MECOM: variants seen among roughly 807,000 people sequenced by gnomAD.
The protein encoded by MECOM is histone-lysine N-methyltransferase MECOM.
In MECOM, 13 loss-of-function variants were observed where a neutral mutation model predicts 116.3. The ratio of observed to expected loss-of-function variants is 0.11; its 90% CI spans 0.07 to 0.18. The LOEUF (loss-of-function observed/expected upper bound fraction) is 0.18, where lower values mean the gene tolerates loss of function less well. Ranked by LOEUF, MECOM falls within the 10% of genes least tolerant of loss-of-function variation. MECOM has a pLI of 1.00. For missense variants in MECOM, 1,299 were observed against 1,509.0 expected, an observed-to-expected ratio of 0.86 and a Z score of 2.31; for synonymous variants, 528 against 535.2, an observed-to-expected ratio of 0.99 and a Z score of 0.19.
chr3:169,201,041 G>A (rs1187101830), intron 2 of MECOM, among the ~76,000 whole-genome samples: 1 of 152,084 alleles, frequency 6.6e-6, no homozygotes, highest in African/African-American at 2.4e-5. Context: ...TGTAGATAGT[G>A]AGGTCTTTAT....
At chr3:169,138,151 T>C (rs924540385) in intron 3 of MECOM, among the ~76,000 whole-genome samples, 1 of 152,154 alleles carries the variant, frequency 6.6e-6, no homozygotes, top group Non-Finnish European at 1.5e-5. Flanking sequence ...AGCATTCTTA[T>C]GACTTTTATA....
intron 1 of MECOM, among the ~76,000 whole-genome samples, chr3:169,642,446 C>CAAAAAAAAAAAAA (rs397950899): frequency 1.4e-5 from 1 of 69,472 alleles, no homozygotes; most frequent in Non-Finnish European, 2.9e-5. Flanking sequence ...GACTCCATCT[C>CAAAAAAAAAAAAA]AAAAAAAAAA....
chr3:169,131,605 T>C (rs1342081835), intron 3 of MECOM, 74 bp from the exon 4 acceptor site: 1 of 1,099,360 alleles, frequency 9.1e-7, no homozygotes, highest in East Asian at 2.6e-5. Flanking sequence ...GGGCAAGATA[T>C]ACACTAAGAT....
chr3:169,171,734 C>T (rs560741694), intron 2 of MECOM, among the ~76,000 whole-genome samples: 1 of 152,140 alleles, frequency 6.6e-6, no homozygotes, highest in Non-Finnish European at 1.5e-5. Flanking sequence ...TATTCCTCAA[C>T]TATTGTAAAA....
intron 2 of MECOM, among the ~76,000 whole-genome samples, chr3:169,373,953 G>A (rs1177743514): frequency 6.6e-6 from 1 of 151,912 alleles, no homozygotes; most frequent in African/African-American, 2.4e-5. Flanking sequence ...GTTATAGACT[G>A]AATGTGTGTG....
intron 1 of MECOM, among the ~76,000 whole-genome samples, chr3:169,553,599 C>A (rs896623230): frequency 1.3e-5 from 2 of 152,312 alleles, no homozygotes; most frequent in South Asian, 2.1e-4. Flanking sequence ...TAGCTTGCCA[C>A]AATTTCCATT....
At position 169,446,914 on chromosome 3, in the gene MECOM, G is replaced by T. The variant is rs1043651943; in HGVS notation, c.38-65390C>A. Among the ~76,000 whole-genome samples, 22 of 152,274 alleles carry T rather than the reference G, an allele frequency of 1.4e-4. No homozygotes were observed. The Middle Eastern group carries it at 0.01, about 71-fold the overall frequency. On this transcript the variant is annotated intron_variant, in intron 1 of 16. Transcript: ENST00000651503. ...CAAGCTTTAGGCACTCCCTGCACATGCCATTGTGGTTCACTAAGTGGAAAA... is the reference window on the plus strand; with the variant it reads ...CAAGCTTTAGGCACTCCCTGCACATTCCATTGTGGTTCACTAAGTGGAAAA...
chr3:169,444,420 C>T (rs1490936276), intron 1 of MECOM, among the ~76,000 whole-genome samples: 6 of 152,184 alleles, frequency 3.9e-5, no homozygotes, highest in South Asian at 2.1e-4. Context: ...TGGTCCTTCC[C>T]GTGTTATTCT....
At chr3:169,648,819 C>T (rs188113895) in intron 1 of MECOM, among the ~76,000 whole-genome samples, 26 of 152,168 alleles carry the variant, frequency 1.7e-4, no homozygotes, top group Admixed American at 3.3e-4. Context: ...AAAATTGAAC[C>T]TAGCAGAAAG....
intron 1 of MECOM, among the ~76,000 whole-genome samples, chr3:169,473,697 G>A (rs1026399477): frequency 6.6e-6 from 1 of 151,952 alleles, no homozygotes; most frequent in Admixed American, 6.6e-5. Context: ...TGAATCTGGG[G>A]GGCAGAGGTT....
intron 2 of MECOM, among the ~76,000 whole-genome samples, chr3:169,222,037 T>C (rs1298889753): frequency 6.6e-6 from 1 of 152,192 alleles, no homozygotes; most frequent in Non-Finnish European, 1.5e-5. Flanking sequence ...AAAATTATCA[T>C]TTCCGTAGAT....
intron 2 of MECOM, among the ~76,000 whole-genome samples, chr3:169,226,992 C>A (rs1038760126): frequency 1.3e-5 from 2 of 152,136 alleles, no homozygotes; most frequent in African/African-American, 4.8e-5. Flanking sequence ...CTTCACCCAT[C>A]TTTAGTTTTT....
intron 1 of MECOM, among the ~76,000 whole-genome samples, chr3:169,561,691 A>T (rs1762651923): frequency 6.6e-6 from 1 of 152,214 alleles, no homozygotes. Context: ...CTAATCTGTA[A>T]TGTAAAACAC....
Position 169,327,962 on chromosome 3 carries a change from G to T in MECOM, c.375+53225C>A, listed in dbSNP as rs948213733. Among the ~76,000 whole-genome samples, 7 of 152,290 alleles carry T rather than the reference G, an allele frequency of 4.6e-5. No individual in the cohort carries two copies. The South Asian group carries it at 1.2e-3, about 27-fold the overall frequency. On this transcript the variant is annotated intron_variant, in intron 2 of 16. Coordinates refer to ENST00000651503, the MANE Select transcript of MECOM (RefSeq NM_004991.4). ...CATACTGGTACATGAGAGATAAGGTGATTTCTCTACTTCCTGAATCAAAAG... is the reference window on the plus strand; with the variant it reads ...CATACTGGTACATGAGAGATAAGGTTATTTCTCTACTTCCTGAATCAAAAG...
At chr3:169,516,478 A>C (rs1158745457) in intron 1 of MECOM, among the ~76,000 whole-genome samples, 1 of 152,158 alleles carries the variant, frequency 6.6e-6, no homozygotes, top group African/African-American at 2.4e-5. Context: ...GTTATCTGTA[A>C]ATTTTTAGCA....
chr3:169,543,277 A>T (rs16854056), intron 1 of MECOM, among the ~76,000 whole-genome samples: 7 of 152,052 alleles, frequency 4.6e-5, no homozygotes, highest in Admixed American at 1.3e-4. Context: ...GGCTTCTTAT[A>T]AAAAAAAGTA....
chr3:169,434,792 G>GT (rs1278641010), intron 1 of MECOM, among the ~76,000 whole-genome samples: 2 of 152,118 alleles, frequency 1.3e-5, no homozygotes, highest in African/African-American at 4.8e-5. Flanking sequence ...TGTTTTTGTT[G>GT]TTTTTTCTCT....
At chr3:169,181,437 A>C (rs73879026) in intron 2 of MECOM, among the ~76,000 whole-genome samples, 1 of 152,306 alleles carries the variant, frequency 6.6e-6, no homozygotes, top group East Asian at 1.9e-4. Context: ...AGAAAGTCCT[A>C]TTTCTCAGCA....
intron 2 of MECOM, chr3:169,145,524 C>CAAAAAAAAG: frequency 9.2e-6 from 2 of 218,134 alleles, no homozygotes; most frequent in Non-Finnish European, 8.9e-6. Context: ...CCTTGACTGG[C>CAAAAAAAAG]AAAAAAAAGA....
Sources: allele counts gnomAD v4.1 joint callset (sites outside exome capture counted in the v4.1 genomes callset), GRCh38; gene constraint gnomAD v4.1.1; transcripts MANE v1.5; gene names NCBI Gene and HGNC (gene_info 2026-07-23, HGNC 2026-07-21).